Variants in ADAMTS20 observed in about 807,000 individuals in gnomAD.
ADAMTS20 encodes the protein ADAM metallopeptidase with thrombospondin type 1 motif 20.
Under a neutral mutation model 260.1 loss-of-function variants are expected in ADAMTS20, and 225 were observed. That is an observed-to-expected ratio of 0.87 (90% CI 0.78 to 0.97). ADAMTS20 has a LOEUF of 0.97. Among genes scored for constraint, ADAMTS20 ranks in the 50% least tolerant of loss-of-function variants. The probability of loss-of-function intolerance (pLI) is 0.00; values close to 1 mark genes in which losing one functional copy is unlikely to be tolerated. For missense variants in ADAMTS20, 2,400 were observed against 2,337.7 expected, an observed-to-expected ratio of 1.03 and a Z score of -0.55; for synonymous variants, 802 against 769.5, an observed-to-expected ratio of 1.04 and a Z score of -0.70.
Position 43,376,159 on chromosome 12 carries a change from A to T in ADAMTS20, c.5221-11T>A. The T allele has an allele frequency of 1.9e-6, 3 of 1,584,220 alleles. No homozygotes were observed. Among genetic ancestry groups the T allele is most frequent in the Non-Finnish European group, 1.7e-6 (2 of 1,167,100 alleles). On this transcript the variant is annotated splice_polypyrimidine_tract_variant and intron_variant, in intron 34 of 38. Coordinates refer to ENST00000389420, the MANE Select transcript of ADAMTS20 (RefSeq NM_025003.5). ...GTCTGCACAATAAATCTAAAGAAAA[A>T]ATGTAAACATCTAGAAAAACTTTTT... is the stretch of plus-strand genomic sequence containing the variant.
At chr12:43,464,384 A>G (rs1171185948) in intron 10 of ADAMTS20, among the ~76,000 whole-genome samples, 2 of 152,176 alleles carry the variant, frequency 1.3e-5, no homozygotes, top group Non-Finnish European at 1.5e-5. Flanking sequence ...TAACAAAGAT[A>G]ATTTTTAAGT....
At chr12:43,539,024 C>A (rs1943337106) in intron 2 of ADAMTS20, among the ~76,000 whole-genome samples, 1 of 146,826 alleles carries the variant, frequency 6.8e-6, no homozygotes, top group South Asian at 2.1e-4. Context: ...GTGATCTTAG[C>A]TCACTGCAAC....
chr12:43,551,055 C>T lies in ADAMTS20; in HGVS notation c.307G>A (p.Gly103Ser). Residue 103 changes from glycine (G) to serine (S), a missense_variant, in exon 2 of 39, where the codon GGC becomes AGC. Transcript: ENST00000389420. The surrounding 1 kb of genome is among the most constrained non-coding windows in gnomAD (Gnocchi z 4.6). Reference protein sequence around the residue: ...LTADASFLAAGYTEVHLGTPE... With the variant: ...LTADASFLAASYTEVHLGTPE... ...GTTCCCAAGTGCACCTCGGTGTAGC[C>T]GGCGGCCAGAAAGGATGCATCGGCG... The T allele has an allele frequency of 6.2e-7, 1 of 1,613,680 alleles. No individual in the cohort carries two copies. The highest frequency in any genetic ancestry group is 8.5e-7 in the Non-Finnish European group (1 of 1,179,794).
At chr12:43,415,164 T>C (rs933431998) in intron 28 of ADAMTS20, among the ~76,000 whole-genome samples, 1 of 152,104 alleles carries the variant, frequency 6.6e-6, no homozygotes, top group Non-Finnish European at 1.5e-5. Flanking sequence ...ATGAATCTAT[T>C]ATGTTTGATG....
At chr12:43,449,536 T>C (rs189057026) in intron 14 of ADAMTS20, among the ~76,000 whole-genome samples, 1 of 152,206 alleles carries the variant, frequency 6.6e-6, no homozygotes, top group Admixed American at 6.5e-5. Flanking sequence ...TATTGGATAC[T>C]AGGCTTAGTA....
At chr12:43,475,825 C>T (rs1377060675) in intron 7 of ADAMTS20, among the ~76,000 whole-genome samples, 4 of 147,482 alleles carry the variant, frequency 2.7e-5, no homozygotes, top group Admixed American at 1.4e-4. Context: ...CTTCCTTACA[C>T]CTTATACAAA....
intron 11 of ADAMTS20, among the ~76,000 whole-genome samples, chr12:43,459,797 A>G (rs1485141450): frequency 6.6e-6 from 1 of 152,188 alleles, no homozygotes; most frequent in Non-Finnish European, 1.5e-5. Context: ...ATAATGTACT[A>G]TGTGCGTGTG....
chr12:43,492,510 G>A lies in ADAMTS20; in HGVS notation c.1071C>T (p.Ile357=), dbSNP rs1361207746. Residue 357 remains isoleucine, a synonymous_variant, in exon 6 of 39, where the codon ATC becomes ATT. Coordinates refer to ENST00000389420, the MANE Select transcript of ADAMTS20 (RefSeq NM_025003.5). The stretch of plus-strand genomic sequence containing the variant: ...GGTTATTTCTATAATCATACCTAGT[G>A]ATAAGAACAGCAGTGTCATGGTGGG... ...HPSHHDTAVL[I]TREDICSSKE... 7 of 1,613,806 alleles carry A rather than the reference G, an allele frequency of 4.3e-6. No individual in the cohort carries two copies. The highest frequency in any genetic ancestry group is 5.9e-6 in the Non-Finnish European group (7 of 1,179,758).
rs185341035 is a variant in ADAMTS20, at chr12:43,356,610, G to A, written c.5539-22C>T. ...GTCCCTGGATTGTAAATAAAACAAA[G>A]AAAAATAGATGGAATTTACAAAATA... On this transcript the variant is annotated intron_variant, in intron 37 of 38. Transcript: ENST00000389420. The A allele has an allele frequency of 3.1e-5, 47 of 1,529,680 alleles. No homozygotes were observed. In the Admixed American group the frequency reaches 6.8e-4, roughly 22 times the overall value. The allele number at this position is 1,529,680 out of a possible 1,614,324, so 94.8% of individuals were successfully genotyped here.
chr12:43,389,985 G>C (rs1309978618), intron 29 of ADAMTS20, among the ~76,000 whole-genome samples: 1 of 152,224 alleles, frequency 6.6e-6, no homozygotes, highest in East Asian at 1.9e-4. Flanking sequence ...CACTGCTAAA[G>C]TTTATCACCT....
intron 15 of ADAMTS20, among the ~76,000 whole-genome samples, chr12:43,445,232 A>C (rs913931405): frequency 6.6e-6 from 1 of 152,220 alleles, no homozygotes. Context: ...TACAATTTTC[A>C]CAAGATTACA....
At chr12:43,355,587 A>G (rs996291841) in intron 38 of ADAMTS20, among the ~76,000 whole-genome samples, 2 of 152,150 alleles carry the variant, frequency 1.3e-5, no homozygotes, top group South Asian at 2.1e-4. Flanking sequence ...GAGTATAACT[A>G]AATTTACTTT....
intron 28 of ADAMTS20, among the ~76,000 whole-genome samples, chr12:43,400,101 A>G (rs774394421): frequency 1.3e-5 from 2 of 152,004 alleles, no homozygotes; most frequent in African/African-American, 4.8e-5. Context: ...ACCCAGTCCT[A>G]CTACACTTGG....
chr12:43,440,200 G>A, intron 16 of ADAMTS20, 131 bp from the exon 17 acceptor site: 5 of 673,438 alleles, frequency 7.4e-6, no homozygotes, highest in Non-Finnish European at 1.2e-5. Flanking sequence ...CTGGAGTACA[G>A]TGGCACAATA....
rs148218842 is a variant in ADAMTS20, at chr12:43,442,020, G to A, written c.2290+1771C>T. Among the ~76,000 whole-genome samples the A allele has an allele frequency of 3.8e-3, 583 of 152,162 alleles. 2 individuals are homozygous for A. Among genetic ancestry groups the A allele is most frequent in the Non-Finnish European group, 5.9e-3 (399 of 67,994 alleles). ...TCTGCGCTTTATCAAATGTGGCTAGGTCTATTTAAGGGATTATTGGTTATG... is the reference window on the plus strand; with the variant it reads ...TCTGCGCTTTATCAAATGTGGCTAGATCTATTTAAGGGATTATTGGTTATG... On this transcript the variant is annotated intron_variant, in intron 16 of 38. Coordinates refer to ENST00000389420, the MANE Select transcript of ADAMTS20 (RefSeq NM_025003.5).
chr12:43,438,370 C>A (rs908206478), intron 18 of ADAMTS20, among the ~76,000 whole-genome samples: 4 of 152,178 alleles, frequency 2.6e-5, no homozygotes, highest in Admixed American at 6.5e-5. Flanking sequence ...TTCCAATTAT[C>A]TTCTAAAAGG....
intron 3 of ADAMTS20, among the ~76,000 whole-genome samples, chr12:43,504,120 T>C (rs1942808024): frequency 6.6e-6 from 1 of 152,198 alleles, no homozygotes; most frequent in Non-Finnish European, 1.5e-5. Context: ...TTTTTAGTTC[T>C]TTGAGGAATT....
At chr12:43,444,403 T>C (rs1363094634) in intron 15 of ADAMTS20, among the ~76,000 whole-genome samples, 7 of 152,004 alleles carry the variant, frequency 4.6e-5, no homozygotes, top group Non-Finnish European at 1.0e-4. Context: ...AAAGCTCAAG[T>C]TTTAGTTTGT....
At chr12:43,491,188 C>T (rs1396814895) in intron 6 of ADAMTS20, among the ~76,000 whole-genome samples, 1 of 152,008 alleles carries the variant, frequency 6.6e-6, no homozygotes. Context: ...TTTAGATACA[C>T]AAATGTTTAC....
Sources: allele counts gnomAD v4.1 joint callset (sites outside exome capture counted in the v4.1 genomes callset), GRCh38; gene constraint gnomAD v4.1.1; non-coding constraint Gnocchi (gnomAD v3.1); transcripts MANE v1.5; gene names NCBI Gene and HGNC (gene_info 2026-07-23, HGNC 2026-07-21).